Variants in SEMA3A observed in about 807,000 individuals in gnomAD.
The protein encoded by SEMA3A is semaphorin 3A.
SEMA3A carries 29 observed loss-of-function variants against 97.9 expected under a neutral mutation model. The ratio of observed to expected loss-of-function variants is 0.30; its 90% confidence interval spans 0.22 to 0.40. The LOEUF is 0.40. SEMA3A is among the 10% of genes least tolerant of loss of function. SEMA3A has a pLI of 1.00. For missense variants in SEMA3A, 763 were observed against 951.3 expected (o/e 0.80, Z 2.60); for synonymous variants, 321 against 323.7 (o/e 0.99, Z 0.09).
At chr7:84,117,884 T>G (rs7781923) in intron 3 of SEMA3A, among the ~76,000 whole-genome samples, 122,264 of 152,126 alleles carry the variant, frequency 0.8, 49,181 homozygotes, top group East Asian at 0.93. Flanking sequence ...ATGAGATTAA[T>G]GATATATTCA....
intron 2 of SEMA3A, among the ~76,000 whole-genome samples, chr7:84,344,122 G>T (rs1802238354): frequency 6.6e-6 from 1 of 152,040 alleles, no homozygotes; most frequent in Non-Finnish European, 1.5e-5. Context: ...TATTATATCA[G>T]AATATGGTTA....
intron 2 of SEMA3A, among the ~76,000 whole-genome samples, chr7:84,338,622 A>G (rs1255062546): frequency 6.6e-6 from 1 of 152,154 alleles, no homozygotes; most frequent in Non-Finnish European, 1.5e-5. Context: ...TTTGGCACAG[A>G]GATTAGGCAT....
chr7:84,187,576 A>T (rs571341759), intron 1 of SEMA3A, among the ~76,000 whole-genome samples: 2 of 152,066 alleles, frequency 1.3e-5, no homozygotes, highest in East Asian at 3.9e-4. Context: ...TGGAGATAGT[A>T]TTACTCTCAC....
rs989361826 is a variant in SEMA3A, at chr7:83,991,011, C to G, written c.1453-5534G>C. Among the ~76,000 whole-genome samples the G allele has an allele frequency of 1.5e-4, 22 of 151,372 alleles. No homozygotes were observed. In the South Asian group the frequency reaches 2.7e-3, roughly 19 times the overall value. ...TTATTTCCTTGAGCAGTGATTTGTA[C>G]TTCTCCTTAAAGAGGTCCTTCACAT... On this transcript the variant is annotated intron_variant, in intron 12 of 16. Coordinates refer to ENST00000265362, the MANE Select transcript of SEMA3A (RefSeq NM_006080.3).
chr7:84,047,170 C>A (rs542004196), intron 5 of SEMA3A, among the ~76,000 whole-genome samples: 2 of 151,962 alleles, frequency 1.3e-5, no homozygotes, highest in East Asian at 3.9e-4. Context: ...TGCAAGATTC[C>A]ATCACTTTTT....
At chr7:84,484,685 C>CA (rs1246311161) in intron 1 of SEMA3A, among the ~76,000 whole-genome samples, 1 of 152,098 alleles carries the variant, frequency 6.6e-6, no homozygotes, top group Non-Finnish European at 1.5e-5. Flanking sequence ...TCATCTTTAG[C>CA]ATTATATCCT....
intron 6 of SEMA3A, among the ~76,000 whole-genome samples, chr7:84,032,742 T>C (rs890796571): frequency 6.6e-6 from 1 of 151,798 alleles, no homozygotes; most frequent in Non-Finnish European, 1.5e-5. Context: ...TTGTAATATA[T>C]TGAAAATAAA....
intron 2 of SEMA3A, among the ~76,000 whole-genome samples, chr7:84,362,763 TA>T (rs1802758801): frequency 6.6e-6 from 1 of 151,984 alleles, no homozygotes; most frequent in Non-Finnish European, 1.5e-5. Flanking sequence ...AGGATGTATG[TA>T]AGAGTATGGG....
chr7:84,390,009 C>T (rs933323949), intron 1 of SEMA3A, among the ~76,000 whole-genome samples: 16 of 152,056 alleles, frequency 1.1e-4, no homozygotes, highest in Non-Finnish European at 1.5e-5. Flanking sequence ...GAAAAGAAAG[C>T]TATCTAATTT....
intron 1 of SEMA3A, among the ~76,000 whole-genome samples, chr7:84,179,543 G>A (rs951420325): frequency 2.0e-5 from 3 of 152,128 alleles, no homozygotes; most frequent in East Asian, 1.9e-4. Flanking sequence ...TGTCACCTCT[G>A]AACTTTATAG....
chr7:84,412,312 C>A (rs1332598397), intron 1 of SEMA3A, among the ~76,000 whole-genome samples: 2 of 152,090 alleles, frequency 1.3e-5, no homozygotes, highest in Non-Finnish European at 2.9e-5. Context: ...AGCTGCATCT[C>A]TAATTATGAC....
At position 84,339,745 on chromosome 7, in the gene SEMA3A, A is replaced by T. The variant is rs1183180285; in HGVS notation, c.-169+32079T>A. On this transcript the variant is annotated intron_variant, in intron 2 of 3. Transcript: ENST00000424555. ...AAATTTCGTTTTTTCCTTGATAAGT[A>T]CAGTAAGAAGAATTCTGTGAAGTAG... is the stretch of plus-strand genomic sequence containing the variant. Among the ~76,000 whole-genome samples, 8 of 152,156 alleles carry T rather than the reference A, an allele frequency of 5.3e-5. No homozygotes were observed. In the East Asian group the frequency reaches 1.5e-3, roughly 29 times the overall value.
At chr7:84,005,267 G>A in intron 11 of SEMA3A, 72 bp downstream of exon 11, 1 of 1,136,108 alleles carries the variant, frequency 8.8e-7, no homozygotes, top group Non-Finnish European at 1.3e-6. Context: ...CCCCTGAGAT[G>A]TTCAAAGATC....
rs962258668 is a variant in SEMA3A, at chr7:84,208,447, C to CA, written c.-82-13780dup. Among the ~76,000 whole-genome samples the CA allele has an allele frequency of 3.8e-3, 523 of 138,172 alleles. 2 individuals are homozygous for CA. The highest frequency in any genetic ancestry group is 0.012 in the African/African-American group (433 of 37,466). 90.6% of individuals were successfully genotyped at this position (138,172 alleles called of 152,430 possible). On this transcript the variant is annotated intron_variant, in intron 3 of 3. Transcript: ENST00000424555. The stretch of plus-strand genomic sequence containing the variant: ...AGCCTGGGTGACAGAGACTCCGTCT[C>CA]AAAAAAAAAAAGAACGGAAAGACAA...
chr7:84,060,429 G>T, intron 5 of SEMA3A, 36 bp downstream of exon 5: 1 of 1,324,108 alleles, frequency 7.6e-7, no homozygotes. Context: ...GTTATTTATA[G>T]AAAACTCACT....
chr7:84,228,034 C>A (rs1799030274), intron 3 of SEMA3A, among the ~76,000 whole-genome samples: 1 of 151,848 alleles, frequency 6.6e-6, no homozygotes. Context: ...TTAATACTTT[C>A]ATAAATTCTT....
At chr7:84,467,592 A>G (rs946557782) in intron 1 of SEMA3A, among the ~76,000 whole-genome samples, 5 of 151,116 alleles carry the variant, frequency 3.3e-5, no homozygotes, top group African/African-American at 1.2e-4. Context: ...GACCCTAAAC[A>G]CTGAACTACG....
At chr7:84,113,819 A>C (rs1468683844) in intron 3 of SEMA3A, among the ~76,000 whole-genome samples, 1 of 152,148 alleles carries the variant, frequency 6.6e-6, no homozygotes, top group Non-Finnish European at 1.5e-5. Flanking sequence ...AAGTAAGGGC[A>C]GTTATAAACC....
chr7:84,241,858 T>C (rs1326608787), intron 3 of SEMA3A, among the ~76,000 whole-genome samples: 3 of 152,154 alleles, frequency 2.0e-5, no homozygotes, highest in Non-Finnish European at 2.9e-5. Flanking sequence ...CTAGCCAGTT[T>C]TCCCAAAAGC....
Sources: gnomAD v4.1 joint callset for allele counts (sites outside exome capture counted in the v4.1 genomes callset) on GRCh38, gnomAD v4.1.1 for gene constraint, MANE v1.5 for transcripts, NCBI Gene and HGNC (gene_info 2026-07-23, HGNC 2026-07-21) for gene names.